Variants in ANXA1 observed in about 807,000 individuals in gnomAD.
ANXA1 encodes annexin I (lipocortin I).
A neutral mutation model predicts 47.9 loss-of-function variants in ANXA1; 39 were observed. The observed-to-expected ratio is 0.81, with a 90% CI of 0.63 to 1.06. The LOEUF (loss-of-function observed/expected upper bound fraction) is 1.06, where lower values mean the gene tolerates loss of function less well. Among genes scored for constraint, ANXA1 ranks in the 50% least tolerant of loss-of-function variants. The pLI is 0.00. For missense variants in ANXA1, 446 were observed against 422.7 expected (o/e 1.06, Z -0.48); for synonymous variants, 146 against 142.5 (o/e 1.02, Z -0.17).
intron 11 of ANXA1, 196 bp from the exon 12 acceptor site, chr9:73,168,836 A>C (rs1824275475): frequency 2.2e-6 from 1 of 445,678 alleles, no homozygotes. Context: ...ACCTACCGCT[A>C]ATGTAGAGGA....
At chr9:73,155,918 CTGGCTTTTTT>C (rs1218418194) in intron 1 of ANXA1, among the ~76,000 whole-genome samples, 1 of 150,124 alleles carries the variant, frequency 6.7e-6, no homozygotes, top group Non-Finnish European at 1.5e-5. Flanking sequence ...TGGGCTTTCT[CTGGCTTTTTT>C]TTTAAATGGA....
chr9:73,165,168 A>G lies in ANXA1; in HGVS notation c.665A>G (p.Asn222Ser). Residue 222 changes from asparagine to serine, a missense_variant, in exon 9 of 13, where the codon AAT becomes AGT. Physicochemically the swap from Asn to Ser is conservative, Grantham distance 46. Coordinates refer to ENST00000257497, the MANE Select transcript of ANXA1 (RefSeq NM_000700.3). ...AAGGGGACAGACGTAAACGTGTTCAATACCATCCTTACCACCAGAAGCTAT... is the reference window on the plus strand; with the variant it reads ...AAGGGGACAGACGTAAACGTGTTCAGTACCATCCTTACCACCAGAAGCTAT... ...RRKGTDVNVFNTILTTRSYPQ... is the reference protein window; with the variant it reads ...RRKGTDVNVFSTILTTRSYPQ... 3 of 1,612,894 alleles carry G rather than the reference A, an allele frequency of 1.9e-6. No homozygotes were observed. The highest frequency in any genetic ancestry group is 3.3e-5 in the Admixed American group (2 of 59,922).
At chr9:73,160,688 G>T in intron 5 of ANXA1, 115 bp from the exon 6 acceptor site, 1 of 713,032 alleles carries the variant, frequency 1.4e-6, no homozygotes. Context: ...TAAATGTTGT[G>T]GGTGAAATTT....
chr9:73,157,903 T>C (rs1227917999), intron 1 of ANXA1: 2 of 152,222 alleles, frequency 1.3e-5, no homozygotes, highest in Non-Finnish European at 2.9e-5. Flanking sequence ...TCCCAAAGCT[T>C]TGTGGACACA....
At chr9:73,159,585 C>G in intron 4 of ANXA1, 162 bp downstream of exon 4, 1 of 515,972 alleles carries the variant, frequency 1.9e-6, no homozygotes. Flanking sequence ...GCAATTTAAT[C>G]AATTTTATCA....
intron 1 of ANXA1, among the ~76,000 whole-genome samples, chr9:73,152,324 T>G (rs76779827): frequency 6.6e-6 from 1 of 152,076 alleles, no homozygotes; most frequent in Admixed American, 6.6e-5. Context: ...GGGCTGCTTT[T>G]TGGGGGCAAG....
intron 10 of ANXA1, among the ~76,000 whole-genome samples, chr9:73,167,216 G>A (rs543679035): frequency 1.3e-5 from 2 of 152,200 alleles, no homozygotes; most frequent in Admixed American, 1.3e-4. Context: ...CTCCCAAGGA[G>A]AATATATGTT....
intron 9 of ANXA1, 86 bp from the exon 10 acceptor site, chr9:73,166,011 T>G (rs761478564): frequency 5.2e-5 from 49 of 949,498 alleles, no homozygotes; most frequent in Non-Finnish European, 7.2e-5. Context: ...TCTAAAAAAT[T>G]CTTTGAGTCA....
chr9:73,167,225 T>C (rs1483316176), intron 10 of ANXA1, among the ~76,000 whole-genome samples: 5 of 152,108 alleles, frequency 3.3e-5, no homozygotes, highest in Non-Finnish European at 7.4e-5. Context: ...AGAATATATG[T>C]TGGATAGCGC....
chr9:73,155,564 G>A (rs1027081534), intron 1 of ANXA1, among the ~76,000 whole-genome samples: 2 of 152,142 alleles, frequency 1.3e-5, no homozygotes, highest in African/African-American at 2.4e-5. Context: ...TTGGCTTTGA[G>A]CCCTTAACCA....
chr9:73,159,671 AT>A (rs544429357), intron 4 of ANXA1: 41 of 308,280 alleles, frequency 1.3e-4, no homozygotes, highest in African/African-American at 8.7e-4. Context: ...CAAATTTTTA[AT>A]TTGAACGTAA....
rs762750858 is a variant in ANXA1 at position 73,169,087 on chromosome 9, T to C, written c.917T>C (p.Ile306Thr). 3.4e-5 allele frequency: 55 copies of C among 1,613,452 alleles called. No individual in the cohort carries two copies. The highest frequency in any genetic ancestry group is 1.3e-4 in the Admixed American group (8 of 59,944). Residue 306 changes from isoleucine (I) to threonine (T), a missense_variant, in exon 12 of 13, where the codon ATT (isoleucine) becomes ACT (threonine). Ile to Thr is a moderately conservative substitution (Grantham distance 89). Coordinates refer to ENST00000257497, the MANE Select transcript of ANXA1 (RefSeq NM_000700.3). ...AGGATTATGGTTTCCCGTTCTGAAA[T>C]TGACATGAATGATATCAAAGCATTC... Reference protein sequence around the residue: ...LIRIMVSRSEIDMNDIKAFYQ... With the variant: ...LIRIMVSRSETDMNDIKAFYQ...
intron 1 of ANXA1, among the ~76,000 whole-genome samples, chr9:73,155,922 CT>C (rs536348117): frequency 3.5e-3 from 524 of 147,714 alleles, no homozygotes; most frequent in African/African-American, 0.012. Flanking sequence ...CTTTCTCTGG[CT>C]TTTTTTTTAA....
At chr9:73,153,621 G>A (rs1824003701) in intron 1 of ANXA1, among the ~76,000 whole-genome samples, 1 of 152,170 alleles carries the variant, frequency 6.6e-6, no homozygotes, top group African/African-American at 2.4e-5. Context: ...CAGATCGCCA[G>A]ATAATCAAGA....
At chr9:73,154,246 G>A in intron 1 of ANXA1, 1 of 1,260,740 alleles carries the variant, frequency 7.9e-7, no homozygotes, top group South Asian at 1.2e-5. Context: ...GAAAAACTAT[G>A]CACAAGGCCG....
rs1401006566 is a variant in ANXA1 at position 73,154,955 on chromosome 9, A to T, written c.-15+3031A>T. ...GATTGTAACCAGGAAGATACAATCA[A>T]CCACAAAACTCAGCTTCCTCTGTCA... On this transcript the variant is annotated intron_variant, in intron 1 of 12. Coordinates refer to ENST00000257497, the MANE Select transcript of ANXA1 (RefSeq NM_000700.3). Among the ~76,000 whole-genome samples the T allele has an allele frequency of 2.0e-5, 3 of 152,228 alleles. No homozygotes were observed. In the East Asian group the frequency reaches 5.8e-4, roughly 29 times the overall value.
rs928944772 is a variant in ANXA1, at chr9:73,169,301, G to A, written c.984+147G>A. 5.7e-5 allele frequency: 49 copies of A among 861,480 alleles called. No homozygotes were observed. The Admixed American group carries it at 1.7e-3, about 29-fold the overall frequency. 53.4% of individuals were successfully genotyped at this position (861,480 alleles called of 1,614,324 possible). A position where few individuals can be genotyped will look rare whatever the true frequency, so the allele number is the denominator to read the frequency against. ...ATGGTGTATACTTCATGAGTAAATT[G>A]AACTTTCACTGGTAAAATCTACTAG... On this transcript the variant is annotated intron_variant, in intron 12 of 12. Coordinates refer to ENST00000257497, the MANE Select transcript of ANXA1 (RefSeq NM_000700.3).
rs1285414442 is a variant in ANXA1, at chr9:73,158,752, TTCAA to T, written c.127_130del (p.Asn43HisfsTer12). On this transcript the variant is annotated frameshift_variant, in exon 3 of 13. Coordinates refer to ENST00000257497, the MANE Select transcript of ANXA1 (RefSeq NM_000700.3). LOFTEE classifies it high-confidence loss of function. Reference sequence around the variant, plus strand: ...ATCAGCGGTGAGCCCCTATCCTACCTTCAATCCATCCTCGGATGTCGCTGCCTTG... The same window carrying T: ...ATCAGCGGTGAGCCCCTATCCTACCTTCCATCCTCGGATGTCGCTGCCTTG... The T allele has an allele frequency of 2.2e-5, 36 of 1,613,820 alleles. No homozygotes were observed. Among genetic ancestry groups the T allele is most frequent in the African/African-American group, 4.0e-5 (3 of 74,908 alleles).
chr9:73,163,754 C>T (rs538585922), intron 8 of ANXA1, among the ~76,000 whole-genome samples: 2 of 152,126 alleles, frequency 1.3e-5, no homozygotes, highest in East Asian at 3.9e-4. Flanking sequence ...CCAGAGAGAA[C>T]TGAAGAAGGA....
Sources: gnomAD v4.1 joint callset for allele counts (sites outside exome capture counted in the v4.1 genomes callset) on GRCh38, gnomAD v4.1.1 for gene constraint, MANE v1.5 for transcripts, NCBI Gene and HGNC (gene_info 2026-07-23, HGNC 2026-07-21) for gene names.